MMP16: variants seen among roughly 807,000 people sequenced by gnomAD.
MMP16 encodes matrix metalloproteinase-16.
In MMP16, 12 loss-of-function variants were observed where a neutral mutation model predicts 67.8. The observed-to-expected ratio is 0.18, with a 90% CI of 0.11 to 0.29. The LOEUF is 0.29. Ranked by LOEUF, MMP16 falls within the 10% of genes least tolerant of loss-of-function variation. MMP16 has a pLI of 1.00. For missense variants in MMP16, 475 were observed against 765.7 expected, an observed-to-expected ratio of 0.62 and a Z score of 4.48; for synonymous variants, 249 against 255.9, an observed-to-expected ratio of 0.97 and a Z score of 0.26.
intron 8 of MMP16, 38 bp downstream of exon 8, chr8:88,056,090 T>C: frequency 1.4e-6 from 2 of 1,389,810 alleles, no homozygotes; most frequent in South Asian, 1.9e-5. Flanking sequence ...TAAACATTGG[T>C]TAATTAACTG....
intron 3 of MMP16, among the ~76,000 whole-genome samples, chr8:88,179,327 C>A (rs1808942544): frequency 6.6e-6 from 1 of 151,742 alleles, no homozygotes; most frequent in Non-Finnish European, 1.5e-5. Context: ...AATAATAAAA[C>A]CACCAACCTA....
chr8:88,264,392 G>T (rs545711588), intron 1 of MMP16, among the ~76,000 whole-genome samples: 2 of 152,144 alleles, frequency 1.3e-5, no homozygotes, highest in Non-Finnish European at 1.5e-5. Flanking sequence ...TTAGAGATAG[G>T]ATCTTGCTGT....
intron 4 of MMP16, among the ~76,000 whole-genome samples, chr8:88,151,638 A>T (rs1249208465): frequency 6.8e-6 from 1 of 146,258 alleles, no homozygotes; most frequent in Admixed American, 6.8e-5. Context: ...AAATGAAGGC[A>T]GAAATAAAGA....
At chr8:88,247,903 G>A (rs1221429133) in intron 1 of MMP16, among the ~76,000 whole-genome samples, 1 of 151,976 alleles carries the variant, frequency 6.6e-6, no homozygotes, top group Admixed American at 6.6e-5. Context: ...AGGCCTCTGA[G>A]GTTGTCAAAC....
chr8:88,129,667 C>T (rs1226901574), intron 4 of MMP16, among the ~76,000 whole-genome samples: 1 of 151,340 alleles, frequency 6.6e-6, no homozygotes, highest in African/African-American at 2.4e-5. Flanking sequence ...AACCCTCTTT[C>T]CATACTCTCC....
At chr8:88,110,506 T>C (rs767369560) in intron 6 of MMP16, among the ~76,000 whole-genome samples, 9 of 151,692 alleles carry the variant, frequency 5.9e-5, no homozygotes, top group Non-Finnish European at 1.2e-4. Context: ...TTTGGTCTTA[T>C]GTGAATCTAG....
Position 88,294,219 on chromosome 8 carries a change from TATATATATACACACAC to T in MMP16, c.132+32840_132+32855del, listed in dbSNP as rs1440436294. Among the ~76,000 whole-genome samples the T allele has an allele frequency of 3.1e-3, 461 of 150,868 alleles. 3 individuals carry two copies. Among genetic ancestry groups the T allele is most frequent in the African/African-American group, 0.01 (425 of 41,192 alleles). On this transcript the variant is annotated intron_variant, in intron 1 of 9. Transcript: ENST00000286614. ...ATATATAGACTATATATGTGTTGGA[TATATATATACACACAC>T]ATATATATACACATATATAGACATG...
At chr8:88,286,443 T>A (rs1282585774) in intron 1 of MMP16, among the ~76,000 whole-genome samples, 1 of 152,124 alleles carries the variant, frequency 6.6e-6, no homozygotes, top group East Asian at 1.9e-4. Flanking sequence ...GTTTTTCTGA[T>A]CATTCTTTAC....
In MMP16 at chr8:88,316,576, G is replaced by C. The variant is rs1212622618; in HGVS notation, c.132+10499C>G. On this transcript the variant is annotated intron_variant, in intron 1 of 9. Transcript: ENST00000286614. ...AAGCCCACTGAGACTTACTGCTCAG[G>C]AAAAAGAGATTCCTTTCAAAATATT... 3.9e-5 allele frequency among the ~76,000 whole-genome samples: 6 copies of C among 152,056 alleles called. No homozygotes were observed. In the South Asian group the frequency reaches 8.3e-4, roughly 21 times the overall value.
At chr8:88,185,455 AC>A (rs1330639786) in intron 3 of MMP16, among the ~76,000 whole-genome samples, 6 of 152,138 alleles carry the variant, frequency 3.9e-5, no homozygotes, top group African/African-American at 4.8e-5. Context: ...AGAAAAAAAA[AC>A]GTCGCCAAAA....
chr8:88,304,511 T>G (rs1811183079), intron 1 of MMP16, among the ~76,000 whole-genome samples: 1 of 152,166 alleles, frequency 6.6e-6, no homozygotes, highest in South Asian at 2.1e-4. Context: ...TCTCCATGGT[T>G]GAAATGACAG....
chr8:88,043,191 T>C (rs1360414363), intron 9 of MMP16, among the ~76,000 whole-genome samples: 1 of 152,196 alleles, frequency 6.6e-6, no homozygotes, highest in Non-Finnish European at 1.5e-5. Flanking sequence ...CAAAATAACA[T>C]GCTCATGTTC....
In MMP16 at chr8:88,282,082, TGGG is replaced by T. The variant is rs113575777; in HGVS notation, c.132+44990_132+44992del. 1.5e-3 allele frequency among the ~76,000 whole-genome samples: 176 copies of T among 116,202 alleles called. 11 individuals carry two copies. The highest frequency in any genetic ancestry group is 6.2e-3 in the African/African-American group (150 of 24,160). 76.2% of individuals were successfully genotyped at this position (116,202 alleles called of 152,430 possible). On this transcript the variant is annotated intron_variant, in intron 1 of 9. Transcript: ENST00000286614. ...AAATTCCAGATTTTTTTTTCTTTTT[TGGG>T]GGGGGGGGGGCGACGGGGTCTTGCT...
At chr8:88,237,161 C>T (rs1360915990) in intron 1 of MMP16, among the ~76,000 whole-genome samples, 2 of 152,156 alleles carry the variant, frequency 1.3e-5, no homozygotes, top group African/African-American at 2.4e-5. Flanking sequence ...TAAGACCATC[C>T]TCTACAACAT....
intron 3 of MMP16, among the ~76,000 whole-genome samples, chr8:88,180,277 G>A (rs1295116621): frequency 5.4e-5 from 8 of 148,196 alleles, no homozygotes; most frequent in Admixed American, 4.7e-4. Context: ...GTGAAACTCC[G>A]TCTCAAAAAA....
At position 88,040,271 on chromosome 8, in the gene MMP16, A is replaced by T. The variant is rs1271115178; in HGVS notation, c.*1190T>A. ...GTAACATCATTTCTGTTTGTTATAA[A>T]CACATTTATGTAGTCTTGTAAATCA... On this transcript the variant is annotated 3_prime_UTR_variant, in exon 10 of 10. Transcript: ENST00000286614. 1.3e-5 allele frequency: 2 copies of T among 152,616 alleles called. No individual in the cohort carries two copies. Among genetic ancestry groups the T allele is most frequent in the Non-Finnish European group, 2.9e-5 (2 of 68,034 alleles). The allele number at this position is 152,616 out of a possible 1,614,324, so 9.5% of individuals were successfully genotyped here. A position where few individuals can be genotyped will look rare whatever the true frequency, so the allele number is the denominator to read the frequency against.
chr8:88,103,395 T>C (rs1809178049), intron 6 of MMP16, among the ~76,000 whole-genome samples: 1 of 151,826 alleles, frequency 6.6e-6, no homozygotes. Flanking sequence ...TACTACTTGG[T>C]AGCTGGATAA....
At position 88,042,947 on chromosome 8, in the gene MMP16, C is replaced by T. The variant is rs568563281; in HGVS notation, c.1490-1152G>A. 2.6e-5 allele frequency among the ~76,000 whole-genome samples: 4 copies of T among 152,230 alleles called. No individual in the cohort carries two copies. The East Asian group carries it at 5.8e-4, about 22-fold the overall frequency. On this transcript the variant is annotated intron_variant, in intron 9 of 9. Transcript: ENST00000286614. The stretch of plus-strand genomic sequence containing the variant: ...CAAAAAATCAAGAAATGTTTTAATG[C>T]TATAATTACTTAAAACTATATTTTG...
intron 3 of MMP16, among the ~76,000 whole-genome samples, chr8:88,177,851 C>T (rs1170863446): frequency 6.6e-6 from 1 of 152,020 alleles, no homozygotes; most frequent in East Asian, 1.9e-4. Flanking sequence ...ATTGCAGATG[C>T]TTCCTCTGTA....
Sources: gnomAD v4.1 joint callset for allele counts (sites outside exome capture counted in the v4.1 genomes callset) on GRCh38, gnomAD v4.1.1 for gene constraint, MANE v1.5 for transcripts, NCBI Gene and HGNC (gene_info 2026-07-23, HGNC 2026-07-21) for gene names.